FUBP1: variants seen among roughly 807,000 people sequenced by gnomAD.
FUBP1 encodes far upstream element binding protein 1.
FUBP1 carries 16 observed loss-of-function variants against 94.9 expected under a neutral mutation model. The ratio of observed to expected loss-of-function variants is 0.17; its 90% CI spans 0.11 to 0.26. The LOEUF is 0.26. FUBP1 is among the 10% of genes least tolerant of loss of function. The pLI is 1.00. For synonymous variants in FUBP1, 279 were observed against 254.9 expected, an observed-to-expected ratio of 1.09 and a Z score of -0.90; for missense variants, 583 against 808.6, an observed-to-expected ratio of 0.72 and a Z score of 3.38.
At position 77,948,641 on chromosome 1, in the gene FUBP1, AAAG is replaced by A; in HGVS notation, c.*122_*124del. On this transcript the variant is annotated 3_prime_UTR_variant, in exon 20 of 20. Coordinates refer to ENST00000370768, the MANE Select transcript of FUBP1 (RefSeq NM_003902.5). ...GTACATTTTCAAAAAAAAAAAAAAA[AAAG>A]GAAACACTATTTTAAACCAAAAACA... 8 of 1,420,110 alleles carry A rather than the reference AAAG, an allele frequency of 5.6e-6. No individual in the cohort carries two copies. Among genetic ancestry groups the A allele is most frequent in the East Asian group, 2.6e-5 (1 of 39,212 alleles). The allele number at this position is 1,420,110 out of a possible 1,614,324, so 88.0% of individuals were successfully genotyped here.
chr1:77,955,316 A>C lies in FUBP1; in HGVS notation c.1719T>G (p.Asn573Lys). 6.3e-7 allele frequency: 1 copy of C among 1,576,698 alleles called. No individual in the cohort carries two copies. The highest frequency in any genetic ancestry group is 1.7e-5 in the Admixed American group (1 of 59,850). The change falls in exon 18 of 20, where the codon AAT (asparagine) becomes AAG (lysine). Residue 573 changes from asparagine to lysine, a missense_variant. Transcript: ENST00000370768. ...AATCAACCTGTCCAGCTGGGGCTGG[A>C]TTCTGCTGATCTCCTTGTTCAAGCA... Reference protein sequence around the residue: ...TQTNGQGDQQNPAPAGQVDYT... With the variant: ...TQTNGQGDQQKPAPAGQVDYT...
rs572286575 is a variant in FUBP1, at chr1:77,972,507, G to A, written c.121-2492C>T. Among the ~76,000 whole-genome samples the A allele has an allele frequency of 1.4e-3, 219 of 151,676 alleles. 1 individual carries two copies. Among genetic ancestry groups the A allele is most frequent in the African/African-American group, 5.2e-3 (213 of 41,282 alleles). ...TGCCTGTAATCCCAGCACTTTGGGA[G>A]GCCGAGGCAGGGCGGGGGGGATCAT... is the stretch of plus-strand genomic sequence containing the variant. On this transcript the variant is annotated intron_variant, in intron 1 of 19. Coordinates refer to ENST00000370768, the MANE Select transcript of FUBP1 (RefSeq NM_003902.5).
chr1:77,949,642 G>A (rs556306499), intron 18 of FUBP1, among the ~76,000 whole-genome samples: 2 of 151,872 alleles, frequency 1.3e-5, no homozygotes, highest in Non-Finnish European at 2.9e-5. Context: ...TAGTTCTAGA[G>A]CGTCATTATT....
Position 77,964,738 on chromosome 1 carries a change from C to G in FUBP1, c.745G>C (p.Glu249Gln). The change falls in exon 10 of 20, where the codon GAA (glutamate) becomes CAA (glutamine). Residue 249 changes from glutamate (E) to glutamine (Q), a missense_variant. By Grantham distance (29) the Glu-to-Gln change is conservative. Coordinates refer to ENST00000370768, the MANE Select transcript of FUBP1 (RefSeq NM_003902.5). ...GDPYKVQQAK[E>Q]MVLELIRDQG... ...TCACGAATTAACTCTAACACCATTTCCTTGGCTTGCTAAAGCAGAAAAAGT... is the reference window on the plus strand; with the variant it reads ...TCACGAATTAACTCTAACACCATTTGCTTGGCTTGCTAAAGCAGAAAAAGT... 6.2e-7 allele frequency: 1 copy of G among 1,611,090 alleles called. No individual in the cohort carries two copies. The highest frequency in any genetic ancestry group is 8.5e-7 in the Non-Finnish European group (1 of 1,177,234).
intron 18 of FUBP1, among the ~76,000 whole-genome samples, chr1:77,953,958 A>T (rs905443186): frequency 6.6e-6 from 1 of 152,178 alleles, no homozygotes; most frequent in Non-Finnish European, 1.5e-5. Context: ...TCTAGGGGAC[A>T]TTACCCATTG....
rs569945959 is a variant in FUBP1, at chr1:77,960,178, T to G, written c.1576+6A>C. The G allele has an allele frequency of 1.3e-6, 2 of 1,589,858 alleles. No homozygotes were observed. The highest frequency in any genetic ancestry group is 1.7e-5 in the Admixed American group (1 of 58,804). On this transcript the variant is annotated splice_donor_region_variant and intron_variant, in intron 16 of 19. Transcript: ENST00000370768. ...AGATAACACACAAATAATAAGCATC[T>G]TCTACCTGGATCAGGAGGAGCCTGC...
intron 14 of FUBP1, 30 bp from the exon 15 acceptor site, chr1:77,960,525 C>T (rs755985988): frequency 4.5e-6 from 7 of 1,549,636 alleles, no homozygotes; most frequent in Non-Finnish European, 6.2e-6. Flanking sequence ...ATAGAAAAAT[C>T]AGAAAAACAC....
chr1:77,959,806 G>A (rs1184169563), intron 16 of FUBP1, among the ~76,000 whole-genome samples: 1 of 152,190 alleles, frequency 6.6e-6, no homozygotes, highest in Non-Finnish European at 1.5e-5. Flanking sequence ...GAGCCTCAGT[G>A]CCCAGCCCCT....
chr1:77,947,924 T>G lies in FUBP1; in HGVS notation c.*842A>C, dbSNP rs976547966. On this transcript the variant is annotated 3_prime_UTR_variant, in exon 20 of 20. Transcript: ENST00000370768. ...ACTAACATTATATACATTGAAAGAG[T>G]TGCTTCACATGGAAAAAAACTGTTC... The G allele has an allele frequency of 1.0e-6, 1 of 982,682 alleles. No homozygotes were observed. The highest frequency in any genetic ancestry group is 1.2e-6 in the Non-Finnish European group (1 of 801,782). The allele number at this position is 982,682 out of a possible 1,614,324, so 60.9% of individuals were successfully genotyped here. A position where few individuals can be genotyped will look rare whatever the true frequency, so the allele number is the denominator to read the frequency against.
rs989215235 is a variant in FUBP1, at chr1:77,948,588, ACCT to A, written c.*175_*177del. ...TTTTCATTTCTACACAGAAATATTAACCTCCTATCAGTAGTGATAGATATTTTG... is the reference window on the plus strand; with the variant it reads ...TTTTCATTTCTACACAGAAATATTAACCTATCAGTAGTGATAGATATTTTG... On this transcript the variant is annotated 3_prime_UTR_variant, in exon 20 of 20. Coordinates refer to ENST00000370768, the MANE Select transcript of FUBP1 (RefSeq NM_003902.5). 40 of 1,281,172 alleles carry A rather than the reference ACCT, an allele frequency of 3.1e-5. No individual in the cohort carries two copies. The highest frequency in any genetic ancestry group is 5.7e-5 in the East Asian group (2 of 35,278). 79.4% of individuals were successfully genotyped at this position (1,281,172 alleles called of 1,614,324 possible). A position where few individuals can be genotyped will look rare whatever the true frequency, so the allele number is the denominator to read the frequency against.
chr1:77,967,208 TA>T, intron 4 of FUBP1, 107 bp from the exon 5 acceptor site: 2 of 687,286 alleles, frequency 2.9e-6, no homozygotes, highest in Non-Finnish European at 4.9e-6. Context: ...CCCAATGGCT[TA>T]AACTAAGGTT....
In FUBP1 at chr1:77,963,556, G is replaced by A; in HGVS notation, c.1183+18C>T. On this transcript the variant is annotated intron_variant, in intron 13 of 19. Transcript: ENST00000370768. Reference sequence around the variant, plus strand: ...AATGAATAATGTGTTAAAACATTAAGAGTTTAAAATACATTGCCTTTTCCT... The same window carrying A: ...AATGAATAATGTGTTAAAACATTAAAAGTTTAAAATACATTGCCTTTTCCT... 1 of 1,446,580 alleles carries A rather than the reference G, an allele frequency of 6.9e-7. No individual in the cohort carries two copies. Among genetic ancestry groups the A allele is most frequent in the East Asian group, 2.3e-5 (1 of 43,652 alleles). 89.6% of individuals were successfully genotyped at this position (1,446,580 alleles called of 1,614,324 possible).
chr1:77,967,328 G>A (rs922296833), intron 4 of FUBP1, among the ~76,000 whole-genome samples: 1 of 152,182 alleles, frequency 6.6e-6, no homozygotes, highest in Non-Finnish European at 1.5e-5. Context: ...GGAACAGTCT[G>A]AAGGCATTAA....
intron 14 of FUBP1, among the ~76,000 whole-genome samples, chr1:77,961,910 G>C (rs1324432107): frequency 6.6e-6 from 1 of 152,100 alleles, no homozygotes; most frequent in African/African-American, 2.4e-5. Flanking sequence ...TGTACATTTT[G>C]TAAGACGTTC....
intron 12 of FUBP1, 79 bp downstream of exon 12, chr1:77,963,983 T>G: frequency 1.1e-6 from 1 of 880,260 alleles, no homozygotes. Context: ...GACTCTGATA[T>G]AGAGGTAACT....
At chr1:77,949,015 A>T in intron 19 of FUBP1, 140 bp downstream of exon 19, 7 of 938,574 alleles carry the variant, frequency 7.5e-6, no homozygotes, top group Non-Finnish European at 1.2e-5. Flanking sequence ...CCCAAACAAT[A>T]CACCGTAGTA....
chr1:77,949,016 C>T (rs992140461), intron 19 of FUBP1, 139 bp downstream of exon 19: 2 of 944,188 alleles, frequency 2.1e-6, no homozygotes, highest in Non-Finnish European at 3.3e-6. Flanking sequence ...CCAAACAATA[C>T]ACCGTAGTAC....
intron 14 of FUBP1, 162 bp from the exon 15 acceptor site, chr1:77,960,657 G>T: frequency 1.8e-6 from 1 of 541,740 alleles, no homozygotes. Context: ...TATTTCATCT[G>T]CCATAATAAT....
chr1:77,957,377 A>G (rs1654654124), intron 16 of FUBP1, among the ~76,000 whole-genome samples: 1 of 152,094 alleles, frequency 6.6e-6, no homozygotes, highest in Non-Finnish European at 1.5e-5. Flanking sequence ...GTATCTCTTC[A>G]ACACCCAAGC....
Sources: allele counts gnomAD v4.1 joint callset (sites outside exome capture counted in the v4.1 genomes callset), GRCh38; gene constraint gnomAD v4.1.1; transcripts MANE v1.5; gene names NCBI Gene and HGNC (gene_info 2026-07-23, HGNC 2026-07-21).